C4orf50: variants seen among roughly 807,000 people sequenced by gnomAD.
C4orf50 encodes the protein chromosome 4 open reading frame 50.
A neutral mutation model predicts 77.2 loss-of-function variants in C4orf50; 80 were observed. The observed-to-expected ratio is 1.04, with a 90% CI of 0.87 to 1.25. The LOEUF (loss-of-function observed/expected upper bound fraction) is 1.25, where lower values mean the gene tolerates loss of function less well. Among genes scored for constraint, C4orf50 ranks in the 50% most tolerant of loss-of-function variants. The pLI, the probability that C4orf50 is intolerant of heterozygous loss-of-function variation, is 0.00. For missense variants in C4orf50, 1,257 were observed against 1,152.9 expected, an observed-to-expected ratio of 1.09 and a Z score of -1.31; for synonymous variants, 532 against 465.3, an observed-to-expected ratio of 1.14 and a Z score of -1.84.
intron 7 of C4orf50, among the ~76,000 whole-genome samples, chr4:5,946,175 C>T (rs1718473559): frequency 1.3e-5 from 2 of 152,178 alleles, no homozygotes; most frequent in South Asian, 4.1e-4. Flanking sequence ...CACCCCTTGT[C>T]CTGCCCCTGA....
chr4:6,013,111 C>A (rs1722551334), intron 23 of C4orf50, among the ~76,000 whole-genome samples: 1 of 152,178 alleles, frequency 6.6e-6, no homozygotes, highest in African/African-American at 2.4e-5. Context: ...GGTCATTAAC[C>A]TTGTTCAGTA....
intron 7 of C4orf50, among the ~76,000 whole-genome samples, chr4:5,907,006 A>T (rs796127425): frequency 3.4e-4 from 52 of 152,286 alleles, no homozygotes; most frequent in African/African-American, 1.2e-3. Flanking sequence ...GATCTTGGAA[A>T]TCTGTGTTTC....
chr4:5,903,003 C>T (rs1039373217), intron 7 of C4orf50: 1 of 152,240 alleles, frequency 6.6e-6, no homozygotes, highest in African/African-American at 2.4e-5. Context: ...GCCACCCTTC[C>T]TCCCTGGGCC....
chr4:5,992,793 C>G lies in C4orf50; in HGVS notation c.1221+10G>C. ...CACTGCACACACACGCAGAAAGCCT[C>G]TGGCCTCACCTGTTCACGGTTGGAT... On this transcript the variant is annotated intron_variant, in intron 27 of 33. Transcript: ENST00000531445. This position sits in a 1 kb window ranked among gnomAD's most constrained non-coding sequence, Gnocchi z 5.0. 2.5e-6 allele frequency: 1 copy of G among 399,168 alleles called. No individual in the cohort carries two copies. Among genetic ancestry groups the G allele is most frequent in the Non-Finnish European group, 4.4e-6 (1 of 226,136 alleles). 24.7% of individuals were successfully genotyped at this position (399,168 alleles called of 1,614,324 possible).
At chr4:5,989,366 TACC>T in exon 28 of C4orf50, 1 of 1,536,092 alleles carries the variant, frequency 6.5e-7, no homozygotes, top group Non-Finnish European at 8.7e-7. Flanking sequence ...GTCCCTGGGT[TACC>T]AGGAACTTCG....
intron 29 of C4orf50, among the ~76,000 whole-genome samples, chr4:5,979,402 C>T (rs1720450163): frequency 6.6e-6 from 1 of 152,116 alleles, no homozygotes; most frequent in South Asian, 2.1e-4. Flanking sequence ...ATGAAAATGC[C>T]ACAAGATTCT....
chr4:6,003,381 C>T (rs13124738), intron 25 of C4orf50, among the ~76,000 whole-genome samples: 3 of 152,262 alleles, frequency 2.0e-5, no homozygotes, highest in South Asian at 2.1e-4. Context: ...ACCCAACATC[C>T]TACTAGATGA....
intron 33 of C4orf50, 80 bp downstream of exon 11, chr4:5,964,944 A>T: frequency 1.4e-6 from 2 of 1,412,834 alleles, no homozygotes; most frequent in Non-Finnish European, 2.0e-6. Flanking sequence ...TATCGCTTGG[A>T]TAATTTGCTA....
At chr4:6,003,862 G>GATGGTGATT (rs1721992539) in intron 25 of C4orf50, among the ~76,000 whole-genome samples, 4 of 147,412 alleles carry the variant, frequency 2.7e-5, no homozygotes, top group Non-Finnish European at 6.0e-5. Context: ...TGATGATGGT[G>GATGGTGATT]ATGGTGATGA....
chr4:5,912,174 T>C (rs553777653), intron 7 of C4orf50, among the ~76,000 whole-genome samples: 23 of 152,274 alleles, frequency 1.5e-4, no homozygotes, highest in African/African-American at 5.5e-4. Context: ...GATTTTAAGC[T>C]GCTGATATGT....
chr4:5,910,404 G>A (rs531286872), intron 7 of C4orf50, among the ~76,000 whole-genome samples: 18 of 152,262 alleles, frequency 1.2e-4, no homozygotes, highest in African/African-American at 2.6e-4. Context: ...TAAGAATCTC[G>A]TCAATCTGTT....
Position 5,975,165 on chromosome 4 carries a change from A to C in C4orf50, c.3921+734T>G, listed in dbSNP as rs1268449414. Among the ~76,000 whole-genome samples the C allele has an allele frequency of 2.4e-3, 295 of 122,578 alleles. 4 individuals are homozygous for C. The highest frequency in any genetic ancestry group is 8.4e-3 in the African/African-American group (281 of 33,358). The allele number at this position is 122,578 out of a possible 152,430, so 80.4% of individuals were successfully genotyped here. On this transcript the variant is annotated intron_variant, in intron 30 of 33. Coordinates refer to ENST00000531445, the Ensembl canonical transcript of C4orf50. ...AAAAAAAAAAAAAAAAAAAAAAAAA[A>C]AAAAAAAAAAAAACTACATCACAGT...
chr4:6,013,914 C>A (rs1044756018), intron 23 of C4orf50, among the ~76,000 whole-genome samples: 1 of 151,848 alleles, frequency 6.6e-6, no homozygotes, highest in Non-Finnish European at 1.5e-5. Flanking sequence ...AATACACTCA[C>A]GAATATGACA....
intron 7 of C4orf50, among the ~76,000 whole-genome samples, chr4:5,940,008 C>T (rs35850781): frequency 0.18 from 27,337 of 152,276 alleles, 3,095 homozygotes; most frequent in Admixed American, 0.3. Context: ...CATTTTTGAA[C>T]GTGGGTCCCA....
At chr4:5,915,565 C>T (rs566417064) in intron 7 of C4orf50, among the ~76,000 whole-genome samples, 3 of 152,288 alleles carry the variant, frequency 2.0e-5, no homozygotes, top group South Asian at 4.2e-4. Flanking sequence ...AGACTAAAGC[C>T]ACAGCAGCCA....
At chr4:5,946,827 C>T (rs986579731) in intron 7 of C4orf50, among the ~76,000 whole-genome samples, 6 of 152,250 alleles carry the variant, frequency 3.9e-5, no homozygotes, top group African/African-American at 1.4e-4. Flanking sequence ...GCCATTATTA[C>T]ATCTGCGATG....
intron 32 of C4orf50, among the ~76,000 whole-genome samples, chr4:5,967,070 C>T (rs1007404357): frequency 2.6e-5 from 4 of 152,224 alleles, no homozygotes; most frequent in South Asian, 2.1e-4. Context: ...ATTAACAATA[C>T]TGAGGGTTCC....
chr4:5,964,310 T>C (rs1577938760), intron 33 of C4orf50, among the ~76,000 whole-genome samples: 1 of 148,222 alleles, frequency 6.7e-6, no homozygotes, highest in Admixed American at 6.7e-5. Flanking sequence ...GAACCAGAAA[T>C]GCAGCAGACC....
chr4:5,969,219 T>C (rs1719761007), intron 31 of C4orf50, among the ~76,000 whole-genome samples: 1 of 152,024 alleles, frequency 6.6e-6, no homozygotes, highest in Non-Finnish European at 1.5e-5. Flanking sequence ...CGAAAACTTT[T>C]AGGGGAATAT....
Sources: gnomAD v4.1 joint callset for allele counts (sites outside exome capture counted in the v4.1 genomes callset) on GRCh38, gnomAD v4.1.1 for gene constraint, Gnocchi (gnomAD v3.1) non-coding constraint, MANE v1.5 for transcripts, NCBI Gene and HGNC (gene_info 2026-07-23, HGNC 2026-07-21) for gene names.